CHN2: variants seen among roughly 807,000 people sequenced by gnomAD.
CHN2 encodes chimerin 2.
CHN2 carries 35 observed loss-of-function variants against 56.3 expected under a neutral mutation model. That is an observed-to-expected ratio of 0.62 (90% CI 0.47 to 0.82). The LOEUF (loss-of-function observed/expected upper bound fraction) is 0.82. Among genes scored for constraint, CHN2 ranks in the 40% least tolerant of loss-of-function variants. CHN2 has a pLI of 0.00. For missense variants in CHN2, 491 were observed against 580.5 expected, an observed-to-expected ratio of 0.85 and a Z score of 1.58; for synonymous variants, 210 against 212.8, an observed-to-expected ratio of 0.99 and a Z score of 0.12.
chr7:29,179,934 T>TA (rs573422258), intron 2 of CHN2, among the ~76,000 whole-genome samples: 1 of 152,242 alleles, frequency 6.6e-6, no homozygotes, highest in Non-Finnish European at 1.5e-5. Flanking sequence ...TAAGATAACT[T>TA]ACATTGCTAA....
At chr7:29,382,600 G>C (rs1480002066) in intron 3 of CHN2, among the ~76,000 whole-genome samples, 3 of 152,146 alleles carry the variant, frequency 2.0e-5, no homozygotes, top group African/African-American at 7.2e-5. Flanking sequence ...CAATATGCTG[G>C]GACAGCAGAG....
chr7:29,354,241 A>C (rs113015402), intron 1 of CHN2, among the ~76,000 whole-genome samples: 11 of 152,362 alleles, frequency 7.2e-5, no homozygotes, highest in Middle Eastern at 3.4e-3. Flanking sequence ...GTCTTCATAA[A>C]TGGGCTAAAG....
intron 1 of CHN2, among the ~76,000 whole-genome samples, chr7:29,245,447 C>T (rs1279808581): frequency 6.6e-6 from 1 of 152,178 alleles, no homozygotes; most frequent in African/African-American, 2.4e-5. Context: ...GTGGTAGGTA[C>T]TTCAGTGGGG....
intron 2 of CHN2, among the ~76,000 whole-genome samples, chr7:29,157,493 CTCTT>C (rs1412219490): frequency 1.3e-5 from 2 of 152,206 alleles, no homozygotes; most frequent in Admixed American, 6.5e-5. Context: ...TATTCACAGT[CTCTT>C]TCATGGACCC....
chr7:29,434,705 G>T (rs577841251), intron 6 of CHN2, among the ~76,000 whole-genome samples: 1 of 152,120 alleles, frequency 6.6e-6, no homozygotes, highest in Admixed American at 6.5e-5. Context: ...ATAGTCGCAG[G>T]TACTGGGGTT....
intron 6 of CHN2, among the ~76,000 whole-genome samples, chr7:29,439,195 T>C (rs1400402493): frequency 6.6e-6 from 1 of 152,216 alleles, no homozygotes; most frequent in East Asian, 1.9e-4. Context: ...TGTCATGATA[T>C]TGTCATCATG....
At chr7:29,295,715 C>G (rs1447648683) in intron 1 of CHN2, among the ~76,000 whole-genome samples, 1 of 152,250 alleles carries the variant, frequency 6.6e-6, no homozygotes, top group Non-Finnish European at 1.5e-5. Flanking sequence ...GTTGAGCCTA[C>G]TTACTTCTTT....
At chr7:29,401,430 A>G (rs1469448151) in intron 6 of CHN2, 1 of 152,452 alleles carries the variant, frequency 6.6e-6, no homozygotes, top group Admixed American at 6.5e-5. Context: ...ACCTCCATTA[A>G]TGTATTATGA....
intron 1 of CHN2, among the ~76,000 whole-genome samples, chr7:29,302,846 A>C (rs926259900): frequency 4.6e-5 from 7 of 152,208 alleles, no homozygotes; most frequent in African/African-American, 1.7e-4. Context: ...TATAAGTAGA[A>C]TCATATGCTT....
At chr7:29,421,445 G>T (rs754145002) in intron 6 of CHN2, among the ~76,000 whole-genome samples, 4 of 151,726 alleles carry the variant, frequency 2.6e-5, no homozygotes, top group African/African-American at 4.8e-5. Context: ...GTGCACAGAG[G>T]AATGTGAGGC....
intron 1 of CHN2, among the ~76,000 whole-genome samples, chr7:29,247,414 C>G (rs141403452): frequency 6.6e-6 from 1 of 152,186 alleles, no homozygotes; most frequent in Non-Finnish European, 1.5e-5. Context: ...AAGTGGCTGC[C>G]CACACCCTCC....
chr7:29,310,245 G>T (rs1349596749), intron 1 of CHN2, among the ~76,000 whole-genome samples: 1 of 152,080 alleles, frequency 6.6e-6, no homozygotes, highest in Non-Finnish European at 1.5e-5. Context: ...TAAGGGAGGA[G>T]ATAAAAATAA....
intron 2 of CHN2, among the ~76,000 whole-genome samples, chr7:29,150,552 T>C (rs1160657235): frequency 1.3e-5 from 2 of 152,232 alleles, no homozygotes; most frequent in African/African-American, 4.8e-5. Flanking sequence ...ACACAGAGAA[T>C]AGATCATTTA....
intron 2 of CHN2, among the ~76,000 whole-genome samples, chr7:29,185,971 C>T (rs1200418766): frequency 6.6e-6 from 1 of 152,196 alleles, no homozygotes; most frequent in Non-Finnish European, 1.5e-5. Context: ...TTAATTCCTT[C>T]AGTTCCCCAG....
chr7:29,482,797 C>CTTTTCTTTTTTTT (rs1787429870), intron 7 of CHN2, among the ~76,000 whole-genome samples: 1 of 64,206 alleles, frequency 1.6e-5, no homozygotes, highest in Non-Finnish European at 2.9e-5. Flanking sequence ...GCACTTTTTT[C>CTTTTCTTTTTTTT]TTTTTTTTTT....
intron 2 of CHN2, among the ~76,000 whole-genome samples, chr7:29,363,361 T>C (rs1798883407): frequency 6.6e-6 from 1 of 152,210 alleles, no homozygotes; most frequent in Non-Finnish European, 1.5e-5. Context: ...GATGCGTGCC[T>C]GTAGTCCCAG....
intron 7 of CHN2, chr7:29,483,720 C>G (rs1056848239): frequency 8.2e-6 from 5 of 609,454 alleles, no homozygotes; most frequent in Non-Finnish European, 1.1e-5. Context: ...ATGGTCCACC[C>G]TAATAATACC....
At chr7:29,431,256 C>G (rs1463229559) in intron 6 of CHN2, among the ~76,000 whole-genome samples, 1 of 152,208 alleles carries the variant, frequency 6.6e-6, no homozygotes, top group Non-Finnish European at 1.5e-5. Flanking sequence ...CCATCACTTT[C>G]AATCTCAAAA....
At chr7:29,257,034 A>G (rs1212212370) in intron 1 of CHN2, among the ~76,000 whole-genome samples, 8 of 152,306 alleles carry the variant, frequency 5.3e-5, no homozygotes, top group African/African-American at 9.6e-5. Flanking sequence ...GCATTTGGCA[A>G]TTAAGACTGG....
Sources: gnomAD v4.1 joint callset for allele counts (sites outside exome capture counted in the v4.1 genomes callset) on GRCh38, gnomAD v4.1.1 for gene constraint, MANE v1.5 for transcripts, NCBI Gene and HGNC (gene_info 2026-07-23, HGNC 2026-07-21) for gene names.